The following ADD3 variants were observed in gnomAD, a reference collection of about 807,000 sequenced individuals.
ADD3 encodes gamma-adducin.
A neutral mutation model predicts 80.2 loss-of-function variants in ADD3; 25 were observed. That is an observed-to-expected ratio of 0.31 (90% CI 0.23 to 0.44). The LOEUF (loss-of-function observed/expected upper bound fraction) is 0.44, where lower values mean the gene tolerates loss of function less well. Among genes scored for constraint, ADD3 ranks in the 20% least tolerant of loss-of-function variants. The pLI is 1.00. For missense variants in ADD3, 829 were observed against 847.5 expected, an observed-to-expected ratio of 0.98 and a Z score of 0.27; for synonymous variants, 284 against 289.6, an observed-to-expected ratio of 0.98 and a Z score of 0.20.
At chr10:110,122,049 TA>T in intron 8 of ADD3, 60 bp from the exon 9 acceptor site, 1 of 1,437,926 alleles carries the variant, frequency 7.0e-7, no homozygotes, top group Non-Finnish European at 9.4e-7. Flanking sequence ...TTTTTGAAAG[TA>T]AAATACTCAT....
At position 110,018,166 on chromosome 10, in the gene ADD3, A is replaced by G. The variant is rs79582784; in HGVS notation, c.-30+9867A>G. On this transcript the variant is annotated intron_variant, in intron 1 of 14. Transcript: ENST00000356080. ...AACAATGCAAAATATGTTACTTGCC[A>G]GTGTGTGTGATGAATGCCAGATGAC... 3.7e-3 allele frequency among the ~76,000 whole-genome samples: 566 copies of G among 152,270 alleles called. 3 individuals are homozygous for G. Among genetic ancestry groups the G allele is most frequent in the African/African-American group, 0.012 (510 of 41,554 alleles).
chr10:110,047,065 C>T (rs943622645), intron 1 of ADD3, among the ~76,000 whole-genome samples: 2 of 152,108 alleles, frequency 1.3e-5, no homozygotes, highest in Admixed American at 1.3e-4. Context: ...CCAGATCACT[C>T]TTTGTGATAG....
chr10:110,118,043 C>T (rs1245992881), intron 5 of ADD3, among the ~76,000 whole-genome samples: 1 of 150,578 alleles, frequency 6.6e-6, no homozygotes, highest in Non-Finnish European at 1.5e-5. Context: ...CACACACACA[C>T]ACACACACAC....
At chr10:110,120,164 G>A (rs919678409) in intron 8 of ADD3, among the ~76,000 whole-genome samples, 9 of 149,540 alleles carry the variant, frequency 6.0e-5, no homozygotes, top group South Asian at 2.1e-4. Context: ...ATGCTGGTGC[G>A]CTGCACCCAC....
chr10:110,029,187 A>G (rs886730623), intron 1 of ADD3, among the ~76,000 whole-genome samples: 1 of 151,978 alleles, frequency 6.6e-6, no homozygotes, highest in East Asian at 1.9e-4. Context: ...CTCACTTTCC[A>G]TTTCTTCAAA....
At chr10:110,007,021 G>A (rs1162684353), upstream of ADD3, among the ~76,000 whole-genome samples, 3 of 152,212 alleles carry the variant, frequency 2.0e-5, no homozygotes, top group East Asian at 5.8e-4. Context: ...GCACCGCTGG[G>A]AGGTCTATTT....
At chr10:110,126,358 C>G in intron 11 of ADD3, 59 bp from the exon 12 acceptor site, 1 of 1,284,540 alleles carries the variant, frequency 7.8e-7, no homozygotes, top group South Asian at 1.2e-5. Context: ...AAAGATAAAG[C>G]AAAGGTCATC....
intron 1 of ADD3, among the ~76,000 whole-genome samples, chr10:110,040,675 T>G (rs1856200247): frequency 6.6e-6 from 1 of 152,172 alleles, no homozygotes; most frequent in African/African-American, 2.4e-5. Context: ...AAAATCTTCC[T>G]TTGGCAACAG....
chr10:110,086,852 A>G (rs116709658), intron 1 of ADD3, among the ~76,000 whole-genome samples: 1 of 152,128 alleles, frequency 6.6e-6, no homozygotes, highest in African/African-American at 2.4e-5. Flanking sequence ...GACTGACTTG[A>G]TGCTGAGAGA....
At chr10:110,027,015 A>G (rs1011411278) in intron 1 of ADD3, among the ~76,000 whole-genome samples, 14 of 152,342 alleles carry the variant, frequency 9.2e-5, no homozygotes, top group African/African-American at 2.9e-4. Context: ...CTTAGAATCA[A>G]TATTTAGAAT....
chr10:110,020,145 T>G (rs2133073560), intron 1 of ADD3, among the ~76,000 whole-genome samples: 1 of 152,350 alleles, frequency 6.6e-6, no homozygotes, highest in Admixed American at 6.5e-5. Context: ...AGCCCTTATT[T>G]TTTTGAGCAG....
intron 12 of ADD3, 102 bp from the exon 13 acceptor site, chr10:110,130,261 A>G: frequency 2.5e-6 from 3 of 1,216,126 alleles, no homozygotes; most frequent in Non-Finnish European, 2.3e-6. Context: ...ATAAGGCTTC[A>G]CAAACATCAT....
At chr10:110,084,849 C>T (rs907305357) in intron 1 of ADD3, among the ~76,000 whole-genome samples, 1 of 152,106 alleles carries the variant, frequency 6.6e-6, no homozygotes, top group Non-Finnish European at 1.5e-5. Context: ...TTAAAGTCTG[C>T]ATTTCTGTTG....
intron 1 of ADD3, among the ~76,000 whole-genome samples, chr10:110,053,824 G>A (rs1857808957): frequency 6.6e-6 from 1 of 152,192 alleles, no homozygotes; most frequent in African/African-American, 2.4e-5. Context: ...AAGGCAATTT[G>A]TCAGAGGTTA....
chr10:110,031,315 A>AT (rs1194707775), intron 1 of ADD3, among the ~76,000 whole-genome samples: 1 of 152,174 alleles, frequency 6.6e-6, no homozygotes, highest in Non-Finnish European at 1.5e-5. Context: ...GCTACTATCC[A>AT]TTGGGCACCT....
intron 1 of ADD3, among the ~76,000 whole-genome samples, chr10:110,056,414 A>G (rs774777025): frequency 6.6e-6 from 1 of 152,254 alleles, no homozygotes; most frequent in Non-Finnish European, 1.5e-5. Context: ...GAAAACTAGC[A>G]AAGACTAAGA....
chr10:110,110,155 C>T (rs1849825289), intron 2 of ADD3, among the ~76,000 whole-genome samples: 1 of 152,174 alleles, frequency 6.6e-6, no homozygotes, highest in African/African-American at 2.4e-5. Context: ...AAAAATTAAT[C>T]ACTCAAATAT....
chr10:110,133,271 G>T, intron 14 of ADD3, 55 bp from the exon 15 acceptor site: 1 of 1,504,582 alleles, frequency 6.6e-7, no homozygotes, highest in South Asian at 1.4e-5. Flanking sequence ...TTGTAAAGTA[G>T]AGCAAAAATG....
chr10:110,039,481 G>A (rs1856040624), intron 1 of ADD3, among the ~76,000 whole-genome samples: 1 of 152,192 alleles, frequency 6.6e-6, no homozygotes, highest in African/African-American at 2.4e-5. Flanking sequence ...GTCTTTTGAA[G>A]TTAATGCTAA....
Sources: allele counts gnomAD v4.1 joint callset (sites outside exome capture counted in the v4.1 genomes callset), GRCh38; gene constraint gnomAD v4.1.1; transcripts MANE v1.5; gene names NCBI Gene and HGNC (gene_info 2026-07-23, HGNC 2026-07-21).